The following ARHGAP29 variants were observed in gnomAD, a reference collection of about 807,000 sequenced individuals.
ARHGAP29 encodes Rho GTPase activating protein 29.
A neutral mutation model predicts 122.6 loss-of-function variants in ARHGAP29; 43 were observed. That is an observed-to-expected ratio of 0.35 (90% CI 0.27 to 0.45). The LOEUF is 0.45. ARHGAP29 is among the 20% of genes least tolerant of loss of function. The pLI is 1.00. For synonymous variants in ARHGAP29, 506 were observed against 497.1 expected, an observed-to-expected ratio of 1.02 and a Z score of -0.24; for missense variants, 1,303 against 1,477.2, an observed-to-expected ratio of 0.88 and a Z score of 1.93.
chr1:94,226,158 G>A (rs921914417), intron 2 of ARHGAP29, among the ~76,000 whole-genome samples: 3 of 151,686 alleles, frequency 2.0e-5, no homozygotes, highest in African/African-American at 7.3e-5. Flanking sequence ...CCTCTTTAGG[G>A]AAAGCAATGA....
chr1:94,278,860 G>T (rs1655268353), upstream of ARHGAP29, among the ~76,000 whole-genome samples: 2 of 152,160 alleles, frequency 1.3e-5, 1 homozygote, highest in South Asian at 4.1e-4. Context: ...ACAAGCAAAT[G>T]CTTAACAGCT....
intron 1 of ARHGAP29, among the ~76,000 whole-genome samples, chr1:94,251,533 GTTAAGTTTGACCATAC>G: frequency 6.6e-6 from 1 of 152,188 alleles, no homozygotes; most frequent in Non-Finnish European, 1.5e-5. Context: ...TTAACATGAA[GTTAAGTTTGACCATAC>G]TTCTCTTAGA....
intron 2 of ARHGAP29, among the ~76,000 whole-genome samples, chr1:94,221,875 T>C (rs1265731697): frequency 1.3e-5 from 2 of 151,298 alleles, no homozygotes; most frequent in African/African-American, 2.4e-5. Flanking sequence ...ATGAAAGTAA[T>C]CAGGTCTCCT....
chr1:94,215,615 A>G (rs1197207065), intron 3 of ARHGAP29, among the ~76,000 whole-genome samples: 1 of 152,142 alleles, frequency 6.6e-6, no homozygotes, highest in Non-Finnish European at 1.5e-5. Context: ...GATACTTTAC[A>G]ATGTTTCTGA....
At chr1:94,218,553 G>T (rs1323321964) in intron 3 of ARHGAP29, among the ~76,000 whole-genome samples, 1 of 152,118 alleles carries the variant, frequency 6.6e-6, no homozygotes, top group Non-Finnish European at 1.5e-5. Flanking sequence ...GAACTAGGTC[G>T]CTATTTCCAA....
At chr1:94,304,420 G>A in the ARHGAP29 span, among the ~76,000 whole-genome samples, 1 of 152,136 alleles carries the variant, frequency 6.6e-6, no homozygotes, top group African/African-American at 2.4e-5. Context: ...GATAACAGGC[G>A]CGAGCCACCA....
intron 20 of ARHGAP29, among the ~76,000 whole-genome samples, chr1:94,178,445 C>T (rs745829717): frequency 1.7e-4 from 26 of 152,130 alleles, no homozygotes; most frequent in Non-Finnish European, 2.8e-4. Flanking sequence ...AAACTGCTCC[C>T]ATCTCAGTAT....
chr1:94,259,217 C>T (rs531073588), intron 1 of ARHGAP29, among the ~76,000 whole-genome samples: 99 of 152,114 alleles, frequency 6.5e-4, no homozygotes, highest in Non-Finnish European at 1.2e-4. Flanking sequence ...TGGAACTCTG[C>T]CAGTGATGGG....
intron 11 of ARHGAP29, chr1:94,202,132 T>G (rs1650886612): frequency 4.6e-6 from 2 of 434,794 alleles, no homozygotes; most frequent in South Asian, 9.2e-5. Context: ...CCATATAATC[T>G]TACAGAATTT....
chr1:94,224,131 A>AT (rs1212699068), intron 2 of ARHGAP29, among the ~76,000 whole-genome samples: 9 of 152,134 alleles, frequency 5.9e-5, no homozygotes, highest in African/African-American at 1.9e-4. Context: ...CTGATGTGCT[A>AT]TTTTTTCCCC....
At chr1:94,249,258 G>C (rs936849393) in intron 1 of ARHGAP29, among the ~76,000 whole-genome samples, 1 of 152,176 alleles carries the variant, frequency 6.6e-6, no homozygotes, top group Non-Finnish European at 1.5e-5. Flanking sequence ...AGGACTAACA[G>C]ACACACAAAC....
the ARHGAP29 span, among the ~76,000 whole-genome samples, chr1:94,304,844 G>A: frequency 6.6e-6 from 1 of 152,148 alleles, no homozygotes; most frequent in Non-Finnish European, 1.5e-5. Context: ...GTACTTTTAG[G>A]TCAGTTCAGG....
intron 12 of ARHGAP29, chr1:94,190,628 T>G (rs1027269863): frequency 1.3e-5 from 2 of 152,408 alleles, no homozygotes; most frequent in African/African-American, 4.8e-5. Flanking sequence ...ATCACTATCA[T>G]CACTTGTACT....
In ARHGAP29 at chr1:94,230,576, T is replaced by TTA. The variant is rs1491493057; in HGVS notation, c.205+829_205+830dup. ...GTCCATCAGAAAATAAGTATTTAAC[T>TTA]TATATATATACATAGAAATATTTAT... On this transcript the variant is annotated intron_variant, in intron 2 of 22. Coordinates refer to ENST00000260526, the MANE Select transcript of ARHGAP29 (RefSeq NM_004815.4). 3.3e-5 allele frequency among the ~76,000 whole-genome samples: 5 copies of TTA among 151,882 alleles called. No individual in the cohort carries two copies. In the East Asian group the frequency reaches 5.8e-4, roughly 18 times the overall value.
intron 12 of ARHGAP29, among the ~76,000 whole-genome samples, chr1:94,201,261 T>C (rs1036422801): frequency 2.0e-5 from 3 of 152,018 alleles, no homozygotes; most frequent in African/African-American, 7.2e-5. Context: ...ACCAAACAAA[T>C]CATCAATCCA....
chr1:94,295,227 G>C, the ARHGAP29 span, among the ~76,000 whole-genome samples: 2 of 152,192 alleles, frequency 1.3e-5, no homozygotes, highest in African/African-American at 4.8e-5. Context: ...AGAGAAGGTG[G>C]GTAGCCGGGT....
intron 5 of ARHGAP29, among the ~76,000 whole-genome samples, chr1:94,208,068 C>A (rs1651330222): frequency 6.6e-6 from 1 of 152,058 alleles, no homozygotes; most frequent in Non-Finnish European, 1.5e-5. Flanking sequence ...GAACTCCTGT[C>A]CTCAAGTGAT....
chr1:94,304,498 C>A, the ARHGAP29 span, among the ~76,000 whole-genome samples: 1 of 152,190 alleles, frequency 6.6e-6, no homozygotes, highest in Non-Finnish European at 1.5e-5. Context: ...CCTCACCTAA[C>A]TGGAAGAGAG....
intron 3 of ARHGAP29, among the ~76,000 whole-genome samples, chr1:94,219,967 G>A (rs1288652149): frequency 6.6e-6 from 1 of 152,070 alleles, no homozygotes; most frequent in Non-Finnish European, 1.5e-5. Flanking sequence ...CAATCACCTC[G>A]AAAGAGCGTG....
Sources: gnomAD v4.1 joint callset for allele counts (sites outside exome capture counted in the v4.1 genomes callset) on GRCh38, gnomAD v4.1.1 for gene constraint, MANE v1.5 for transcripts, NCBI Gene and HGNC (gene_info 2026-07-23, HGNC 2026-07-21) for gene names.